GAPVD1: variants seen among roughly 807,000 people sequenced by gnomAD.
GAPVD1 encodes GTPase activating protein and VPS9 domains 1.
A neutral mutation model predicts 155.5 loss-of-function variants in GAPVD1; 35 were observed. The observed-to-expected ratio is 0.23, with a 90% CI of 0.17 to 0.30. The LOEUF is 0.30. Ranked by LOEUF, GAPVD1 falls within the 10% of genes least tolerant of loss-of-function variation. GAPVD1 has a pLI of 1.00. For missense variants in GAPVD1, 1,429 were observed against 1,775.7 expected, an observed-to-expected ratio of 0.80 and a Z score of 3.51; for synonymous variants, 636 against 619.7, an observed-to-expected ratio of 1.03 and a Z score of -0.39.
chr9:125,336,460 T>A (rs1847006326), intron 15 of GAPVD1, among the ~76,000 whole-genome samples: 1 of 152,180 alleles, frequency 6.6e-6, no homozygotes, highest in Non-Finnish European at 1.5e-5. Flanking sequence ...TTGTACGCTG[T>A]CTGTACAGAG....
At chr9:125,310,497 T>C (rs1022893864) in intron 8 of GAPVD1, among the ~76,000 whole-genome samples, 1 of 152,068 alleles carries the variant, frequency 6.6e-6, no homozygotes, top group African/African-American at 2.4e-5. Flanking sequence ...TGTACTGAAT[T>C]TTATTGTCTT....
intron 2 of GAPVD1, among the ~76,000 whole-genome samples, chr9:125,289,040 A>G (rs1054204935): frequency 6.6e-6 from 1 of 152,208 alleles, no homozygotes; most frequent in Non-Finnish European, 1.5e-5. Context: ...CACGTCTGAC[A>G]ATACGGCTGG....
rs546471626 is a variant in GAPVD1, at chr9:125,310,932, C to T, written c.1442-1520C>T. On this transcript the variant is annotated intron_variant, in intron 8 of 27. Coordinates refer to ENST00000297933, the MANE Select transcript of GAPVD1 (RefSeq NM_001282680.3). The stretch of plus-strand genomic sequence containing the variant: ...TCGGCTCACTGCAACCTCCGCCTCC[C>T]GGGTTCAAGTGATTCTCCTACCTCA... Among the ~76,000 whole-genome samples the T allele has an allele frequency of 2.6e-5, 4 of 151,300 alleles. No individual in the cohort carries two copies. The East Asian group carries it at 7.9e-4, about 30-fold the overall frequency.
intron 2 of GAPVD1, among the ~76,000 whole-genome samples, chr9:125,282,049 G>A (rs895703317): frequency 1.3e-5 from 2 of 152,144 alleles, no homozygotes; most frequent in South Asian, 4.1e-4. Flanking sequence ...GGAACGCCAA[G>A]GTGGGCGGAT....
chr9:125,319,167 C>T (rs1286369836), intron 9 of GAPVD1, among the ~76,000 whole-genome samples: 1 of 150,556 alleles, frequency 6.6e-6, no homozygotes, highest in African/African-American at 2.4e-5. Flanking sequence ...AAGATTGAGA[C>T]TCTGTCTCAA....
chr9:125,348,367 TA>T (rs1319163192), intron 20 of GAPVD1, among the ~76,000 whole-genome samples: 1 of 152,152 alleles, frequency 6.6e-6, no homozygotes, highest in African/African-American at 2.4e-5. Context: ...TATATTTATA[TA>T]TTTTTTTGTA....
intron 2 of GAPVD1, among the ~76,000 whole-genome samples, chr9:125,273,496 C>CTT (rs1379407202): frequency 7.7e-6 from 1 of 129,752 alleles, no homozygotes; most frequent in Non-Finnish European, 1.7e-5. Context: ...TTTTTCTTTT[C>CTT]TTTTTTTTTT....
chr9:125,311,621 C>CA (rs1368620636), intron 8 of GAPVD1, among the ~76,000 whole-genome samples: 1 of 151,906 alleles, frequency 6.6e-6, no homozygotes, highest in East Asian at 1.9e-4. Flanking sequence ...AACTCCGTCT[C>CA]AAAAAAACCA....
In GAPVD1 at chr9:125,337,068, A is replaced by G. The variant is rs753144936; in HGVS notation, c.2479A>G (p.Met827Val). 5.0e-6 allele frequency: 8 copies of G among 1,613,416 alleles called. No individual in the cohort carries two copies. The highest frequency in any genetic ancestry group is 6.8e-6 in the Non-Finnish European group (8 of 1,179,336). Residue 827 changes from methionine to valine, a missense_variant, in exon 16 of 28, where the codon ATG becomes GTG. By Grantham distance (21) the Met-to-Val change is conservative. Around this residue, in one of 4 missense-constraint regions of GAPVD1, gnomAD observed 699 missense variants for 826.0 expected, o/e 0.85. Transcript: ENST00000297933. ...PPSQSESLLA[M>V]FDPLSSHEGA... ...TTCTCAGTCAGAGTCTCTGCTGGCC[A>G]TGTTTGATCCACTGTCTTCACATGA...
chr9:125,351,889 C>T (rs552410706), intron 23 of GAPVD1, among the ~76,000 whole-genome samples: 66 of 152,210 alleles, frequency 4.3e-4, no homozygotes, highest in African/African-American at 1.4e-3. Context: ...TACAGGCATG[C>T]GCCACCACGC....
At chr9:125,348,857 T>C (rs1848905612) in intron 20 of GAPVD1, among the ~76,000 whole-genome samples, 1 of 152,186 alleles carries the variant, frequency 6.6e-6, no homozygotes. Context: ...AAACCACAGA[T>C]CTGACTTTGT....
At chr9:125,354,613 C>CTG (rs745855841) in intron 23 of GAPVD1, 41 bp from the exon 24 acceptor site, 1 of 1,327,910 alleles carries the variant, frequency 7.5e-7, no homozygotes, top group Non-Finnish European at 1.1e-6. Flanking sequence ...AGAGTATGCA[C>CTG]TGAATATATC....
In GAPVD1 at chr9:125,326,472, A is replaced by G. The variant is rs748686127; in HGVS notation, c.1915A>G (p.Met639Val). Residue 639 changes from methionine (M) to valine (V), a missense_variant, in exon 12 of 28, where the codon ATG becomes GTG. Coordinates refer to ENST00000297933, the MANE Select transcript of GAPVD1 (RefSeq NM_001282680.3). ...AAGGAAGTTTGAAATTCGTGACATG[A>G]TGGGATTAACAGATGATAGGGACAT... Reference protein sequence around the residue: ...KLRKFEIRDMMGLTDDRDISE... With the variant: ...KLRKFEIRDMVGLTDDRDISE... 3.2e-5 allele frequency: 52 copies of G among 1,611,200 alleles called. No homozygotes were observed. The highest frequency in any genetic ancestry group is 2.5e-6 in the Non-Finnish European group (3 of 1,177,418).
chr9:125,314,531 G>T (rs1843112505), intron 9 of GAPVD1, among the ~76,000 whole-genome samples: 2 of 152,094 alleles, frequency 1.3e-5, no homozygotes, highest in African/African-American at 4.8e-5. Flanking sequence ...GCGCATGCCT[G>T]TAATCCCAGC....
chr9:125,349,331 G>A (rs1325702221), intron 20 of GAPVD1, 59 bp from the exon 21 acceptor site: 2 of 1,466,658 alleles, frequency 1.4e-6, no homozygotes, highest in South Asian at 1.2e-5. Flanking sequence ...ATACCTACTA[G>A]TGCCATAATA....
chr9:125,366,757 AG>A lies in GAPVD1; in HGVS notation c.*4012del. 1 of 152,344 alleles carries A rather than the reference AG, an allele frequency of 6.6e-6. No individual in the cohort carries two copies. The highest frequency in any genetic ancestry group is 6.5e-5 in the Admixed American group (1 of 15,306). 9.4% of individuals were successfully genotyped at this position (152,344 alleles called of 1,614,324 possible). On this transcript the variant is annotated 3_prime_UTR_variant, in exon 28 of 28. Transcript: ENST00000297933. ...ATATATTTTAGAATGTAGGTTAGAA[AG>A]TAGTAGGACAAGGAATAGCTTTATT...
At chr9:125,335,301 T>C (rs750535748) in intron 15 of GAPVD1, 1 of 587,962 alleles carries the variant, frequency 1.7e-6, no homozygotes, top group South Asian at 2.2e-5. Flanking sequence ...ATTCTCTTCA[T>C]TTTTTATTTT....
intron 26 of GAPVD1, 186 bp downstream of exon 26, chr9:125,359,678 T>C (rs1850643298): frequency 1.8e-6 from 1 of 542,964 alleles, no homozygotes; most frequent in Non-Finnish European, 3.3e-6. Context: ...TTCCCTGGTA[T>C]GAAATAGTAG....
At position 125,337,479 on chromosome 9, in the gene GAPVD1, C is replaced by T; in HGVS notation, c.2765C>T (p.Pro922Leu). The stretch of plus-strand genomic sequence containing the variant: ...AGTGACCCCAGCTGGAACCGGCGTC[C>T]AGGAAATGAAGAGCGAGAACTCCCT... The part of the protein sequence containing the change: ...PMSDPSWNRR[P>L]GNEERELPPA... The change falls in exon 17 of 28, where the codon CCA (proline) becomes CTA (leucine). Residue 922 changes from proline (P) to leucine (L), a missense_variant. Pro to Leu is a moderately conservative substitution (Grantham distance 98, BLOSUM62 -3). Transcript: ENST00000297933. 1 of 1,614,172 alleles carries T rather than the reference C, an allele frequency of 6.2e-7. No homozygotes were observed. The highest frequency in any genetic ancestry group is 2.2e-5 in the East Asian group (1 of 44,886).
Sources: gnomAD v4.1 joint callset for allele counts (sites outside exome capture counted in the v4.1 genomes callset) on GRCh38, gnomAD v4.1.1 for gene constraint, gnomAD v4.1.1 regional missense constraint, MANE v1.5 for transcripts, NCBI Gene and HGNC (gene_info 2026-07-23, HGNC 2026-07-21) for gene names.